Variants in ASIC2 observed in about 807,000 individuals in gnomAD.
ASIC2 encodes the protein acid-sensing ion channel 2.
A neutral mutation model predicts 57.3 loss-of-function variants in ASIC2; 25 were observed. That is an observed-to-expected ratio of 0.44 (90% confidence interval 0.32 to 0.61). ASIC2 has a LOEUF of 0.61. Among genes scored for constraint, ASIC2 ranks in the 20% least tolerant of loss-of-function variants. The probability of loss-of-function intolerance (pLI) is 0.06; values close to 1 mark genes in which losing one functional copy is unlikely to be tolerated. For missense variants in ASIC2, 641 were observed against 738.1 expected (o/e 0.87, Z 1.52); for synonymous variants, 319 against 307.5 (o/e 1.04, Z -0.39).
At chr17:33,935,912 G>A (rs1039641656) in intron 1 of ASIC2, 4 of 152,192 alleles carry the variant, frequency 2.6e-5, no homozygotes, top group African/African-American at 9.7e-5. Context: ...TATCAATTAA[G>A]CTCTGTCTCT....
At chr17:34,024,706 AG>A (rs1191044870) in intron 1 of ASIC2, among the ~76,000 whole-genome samples, 1 of 152,064 alleles carries the variant, frequency 6.6e-6, no homozygotes, top group African/African-American at 2.4e-5. Flanking sequence ...CAGCGTGGGG[AG>A]GGGTGCAGGG....
At chr17:33,021,955 G>T (rs1337595411) in intron 6 of ASIC2, among the ~76,000 whole-genome samples, 1 of 152,206 alleles carries the variant, frequency 6.6e-6, no homozygotes, top group Non-Finnish European at 1.5e-5. Flanking sequence ...CAGACTGTCT[G>T]CCAAGCAGCA....
At chr17:33,578,976 T>C (rs1255069481) in intron 1 of ASIC2, among the ~76,000 whole-genome samples, 1 of 152,118 alleles carries the variant, frequency 6.6e-6, no homozygotes, top group Non-Finnish European at 1.5e-5. Flanking sequence ...GGGAGCACCT[T>C]GGAAGCGGTT....
intron 1 of ASIC2, among the ~76,000 whole-genome samples, chr17:33,267,730 G>A (rs796214349): frequency 3.9e-5 from 6 of 152,352 alleles, no homozygotes; most frequent in African/African-American, 1.4e-4. Context: ...CTTGCAGGAG[G>A]TAGGAAGTGA....
At chr17:33,319,833 C>T (rs1345190079) in intron 1 of ASIC2, among the ~76,000 whole-genome samples, 2 of 152,152 alleles carry the variant, frequency 1.3e-5, no homozygotes, top group Non-Finnish European at 2.9e-5. Context: ...TGTGCCTGGT[C>T]TCCATTAATT....
At chr17:33,833,105 A>G (rs1305599783) in intron 1 of ASIC2, among the ~76,000 whole-genome samples, 2 of 152,226 alleles carry the variant, frequency 1.3e-5, no homozygotes, top group African/African-American at 2.4e-5. Context: ...TAAAGATCAA[A>G]TATGTTAAAA....
chr17:33,586,311 G>A (rs114757756), intron 1 of ASIC2, among the ~76,000 whole-genome samples: 356 of 152,146 alleles, frequency 2.3e-3, no homozygotes, highest in African/African-American at 8.0e-3. Context: ...GGGGGCAGGG[G>A]GACCTATTGT....
At chr17:33,101,012 C>T (rs955819473) in intron 2 of ASIC2, among the ~76,000 whole-genome samples, 11 of 152,326 alleles carry the variant, frequency 7.2e-5, no homozygotes, top group Middle Eastern at 3.4e-3. Flanking sequence ...TTAGAGTCCT[C>T]GGACACCTGT....
intron 1 of ASIC2, among the ~76,000 whole-genome samples, chr17:33,683,257 G>A (rs963548791): frequency 7.2e-5 from 11 of 152,106 alleles, no homozygotes; most frequent in African/African-American, 2.7e-4. Context: ...TAGTAGAGAT[G>A]GGGTTTCACC....
intron 1 of ASIC2, among the ~76,000 whole-genome samples, chr17:34,123,248 A>G (rs1911679828): frequency 6.6e-6 from 1 of 152,036 alleles, no homozygotes; most frequent in South Asian, 2.1e-4. Flanking sequence ...CTTCGCCTGG[A>G]TTCTAGGCAG....
At chr17:34,023,775 G>A (rs1907272872) in intron 1 of ASIC2, among the ~76,000 whole-genome samples, 1 of 152,008 alleles carries the variant, frequency 6.6e-6, no homozygotes, top group African/African-American at 2.4e-5. Context: ...AATAAATTTC[G>A]GTTCTTTATA....
At chr17:34,080,467 C>T (rs915845182) in intron 1 of ASIC2, among the ~76,000 whole-genome samples, 1 of 152,226 alleles carries the variant, frequency 6.6e-6, no homozygotes, top group Non-Finnish European at 1.5e-5. Flanking sequence ...CCAGACTCCA[C>T]AAATGGTCAG....
chr17:33,353,763 T>C (rs2142251738), intron 1 of ASIC2, among the ~76,000 whole-genome samples: 1 of 152,302 alleles, frequency 6.6e-6, no homozygotes, highest in Admixed American at 6.5e-5. Flanking sequence ...GATCCTCAGT[T>C]CTTTGGGTGT....
At chr17:33,716,934 G>A (rs7223190) in intron 1 of ASIC2, among the ~76,000 whole-genome samples, 19,562 of 152,218 alleles carry the variant, frequency 0.13, 1,385 homozygotes, top group African/African-American at 0.18. Flanking sequence ...GAGTTTAATA[G>A]CATTGATGGG....
intron 1 of ASIC2, among the ~76,000 whole-genome samples, chr17:34,049,421 C>G (rs937454317): frequency 1.3e-5 from 2 of 152,154 alleles, no homozygotes; most frequent in African/African-American, 4.8e-5. Context: ...CTGTCTTGTC[C>G]CGTTCCAGGA....
chr17:33,703,157 G>T (rs1188940691), intron 1 of ASIC2, among the ~76,000 whole-genome samples: 2 of 152,178 alleles, frequency 1.3e-5, no homozygotes, highest in Non-Finnish European at 2.9e-5. Flanking sequence ...TTTGTTTGAA[G>T]AATGGAAAGA....
At chr17:33,506,590 C>T (rs1177261660) in intron 1 of ASIC2, among the ~76,000 whole-genome samples, 2 of 151,908 alleles carry the variant, frequency 1.3e-5, no homozygotes, top group African/African-American at 2.4e-5. Context: ...GTGTGTGTAC[C>T]GTGTACATGC....
At chr17:33,780,421 A>T (rs1392197448) in intron 1 of ASIC2, among the ~76,000 whole-genome samples, 2 of 152,182 alleles carry the variant, frequency 1.3e-5, no homozygotes, top group African/African-American at 4.8e-5. Context: ...CCCACAAGCA[A>T]GAGCAAGAAG....
At chr17:33,063,084 C>T (rs2092027729) in intron 3 of ASIC2, among the ~76,000 whole-genome samples, 1 of 152,198 alleles carries the variant, frequency 6.6e-6, no homozygotes, top group African/African-American at 2.4e-5. Context: ...TTCCTGAATA[C>T]AGCACACTGA....
Sources: gnomAD v4.1 joint callset for allele counts (sites outside exome capture counted in the v4.1 genomes callset) on GRCh38, gnomAD v4.1.1 for gene constraint, MANE v1.5 for transcripts, NCBI Gene and HGNC (gene_info 2026-07-23, HGNC 2026-07-21) for gene names.